RAP1GAP2: variants seen among roughly 807,000 people sequenced by gnomAD.
RAP1GAP2 encodes RAP1 GTPase activating protein 2.
RAP1GAP2 carries 27 observed loss-of-function variants against 95.0 expected under a neutral mutation model. That is an observed-to-expected ratio of 0.28 (90% CI 0.21 to 0.39). The LOEUF (loss-of-function observed/expected upper bound fraction) is 0.39, where lower values mean the gene tolerates loss of function less well. Among genes scored for constraint, RAP1GAP2 ranks in the 10% least tolerant of loss-of-function variants. The probability of loss-of-function intolerance (pLI) is 1.00; values close to 1 mark genes in which losing one functional copy is unlikely to be tolerated. For missense variants in RAP1GAP2, 771 were observed against 970.0 expected (o/e 0.79, Z 2.72); for synonymous variants, 373 against 380.9 (o/e 0.98, Z 0.24).
intron 3 of RAP1GAP2, among the ~76,000 whole-genome samples, chr17:2,927,183 T>A (rs532734982): frequency 2.1e-3 from 309 of 149,466 alleles, no homozygotes; most frequent in African/African-American, 7.0e-3. Flanking sequence ...AGACAGAATC[T>A]CGCTCTGTCA....
In RAP1GAP2 at chr17:2,824,672, G is replaced by A. The variant is rs138404428; in HGVS notation, c.80+24122G>A. Among the ~76,000 whole-genome samples, 608 of 150,370 alleles carry A rather than the reference G, an allele frequency of 4.0e-3. 6 individuals are homozygous for A. The highest frequency in any genetic ancestry group is 0.014 in the African/African-American group (577 of 40,832). ...GGAGAATTGCTTGAACCTGGGAGGC[G>A]GAGGTTGCAGTGAGCCGAGATTGCG... On this transcript the variant is annotated intron_variant, in intron 2 of 24. Transcript: ENST00000254695.
intron 2 of RAP1GAP2, among the ~76,000 whole-genome samples, chr17:2,890,865 T>C (rs2151695625): frequency 6.6e-6 from 1 of 152,020 alleles, no homozygotes; most frequent in South Asian, 2.1e-4. Flanking sequence ...TTTGTGTTTT[T>C]AGTAGAGACG....
In RAP1GAP2 at chr17:2,918,435, A is replaced by AC. The variant is rs1263771767; in HGVS notation, c.165+13067_165+13068insC. Among the ~76,000 whole-genome samples, 25 of 143,966 alleles carry AC rather than the reference A, an allele frequency of 1.7e-4. No homozygotes were observed. The East Asian group carries it at 3.1e-3, about 18-fold the overall frequency. The allele number at this position is 143,966 out of a possible 152,430, so 94.4% of individuals were successfully genotyped here. ...GCAATAGAATGAGACTCCATCTCAA[A>AC]AAAAAAAAAAAAAAAAAAGAAAGGT... On this transcript the variant is annotated intron_variant, in intron 3 of 24. Coordinates refer to ENST00000254695, the MANE Select transcript of RAP1GAP2 (RefSeq NM_015085.5).
intron 3 of RAP1GAP2, among the ~76,000 whole-genome samples, chr17:2,909,452 TGGG>T (rs2042300663): frequency 6.6e-6 from 1 of 151,448 alleles, no homozygotes; most frequent in Non-Finnish European, 1.5e-5. Context: ...ACTTGTGAGG[TGGG>T]GAGCCTGGAG....
intron 2 of RAP1GAP2, among the ~76,000 whole-genome samples, chr17:2,901,130 G>A (rs1468706912): frequency 6.6e-6 from 1 of 152,210 alleles, no homozygotes; most frequent in Non-Finnish European, 1.5e-5. Flanking sequence ...GCCAACGCTG[G>A]CTAGGACGCG....
chr17:3,007,665 A>G (rs576468523), intron 16 of RAP1GAP2, among the ~76,000 whole-genome samples: 1 of 152,168 alleles, frequency 6.6e-6, no homozygotes, highest in Admixed American at 6.5e-5. Flanking sequence ...ATCTGGATGG[A>G]GAGGAGCAGT....
rs564614195 is a variant in RAP1GAP2, at chr17:2,763,680, A to G, written c.51-6649A>G. ...CACTGCACTCCAGCCTGGGTGACAC[A>G]GAGAGACTCTGTCTCAAAACAAAAA... On this transcript the variant is annotated intron_variant, in intron 1 of 25. Coordinates refer to the RAP1GAP2 transcript ENST00000637138. Among the ~76,000 whole-genome samples the G allele has an allele frequency of 2.2e-3, 336 of 152,020 alleles. 1 individual carries two copies. Among genetic ancestry groups the G allele is most frequent in the African/African-American group, 7.9e-3 (326 of 41,488 alleles).
chr17:2,817,682 G>A lies in RAP1GAP2; in HGVS notation c.80+17132G>A, dbSNP rs1239128659. 2.5e-5 allele frequency among the ~76,000 whole-genome samples: 3 copies of A among 117,776 alleles called. 1 individual carries two copies. Among genetic ancestry groups the A allele is most frequent in the Non-Finnish European group, 4.1e-5 (2 of 49,286 alleles). 77.3% of individuals were successfully genotyped at this position (117,776 alleles called of 152,430 possible). A position where few individuals can be genotyped will look rare whatever the true frequency, so the allele number is the denominator to read the frequency against. ...ATCACAGGCGCCTGCCACCACACAC[G>A]GCTAAATTTTGTATTTTTAGTAGAG... On this transcript the variant is annotated intron_variant, in intron 2 of 24. Coordinates refer to ENST00000254695, the MANE Select transcript of RAP1GAP2 (RefSeq NM_015085.5).
In RAP1GAP2 at chr17:2,927,345, G is replaced by A. The variant is rs965012825; in HGVS notation, c.165+21977G>A. Among the ~76,000 whole-genome samples, 13 of 151,458 alleles carry A rather than the reference G, an allele frequency of 8.6e-5. No individual in the cohort carries two copies. The East Asian group carries it at 9.9e-4, about 11-fold the overall frequency. On this transcript the variant is annotated intron_variant, in intron 3 of 24. Coordinates refer to ENST00000254695, the MANE Select transcript of RAP1GAP2 (RefSeq NM_015085.5). The stretch of plus-strand genomic sequence containing the variant: ...ATTTTTTGTATTTTTAGTAGAGACG[G>A]GGTTTCACCGTGTTAGCCAGGATGG...
intron 18 of RAP1GAP2, among the ~76,000 whole-genome samples, chr17:3,020,012 G>C (rs1345042008): frequency 2.0e-5 from 3 of 152,192 alleles, no homozygotes; most frequent in African/African-American, 7.2e-5. Context: ...ACGCCTGCGC[G>C]GCTCCATTTG....
chr17:2,903,257 A>ATC lies in RAP1GAP2; in HGVS notation c.81-2026_81-2025dup. On this transcript the variant is annotated intron_variant, in intron 2 of 24. Coordinates refer to ENST00000254695, the MANE Select transcript of RAP1GAP2 (RefSeq NM_015085.5). This position sits in a 1 kb window ranked among gnomAD's most constrained non-coding sequence, Gnocchi z 4.1. ...TGCTTGATCATTCTTCCTTTCCCCC[A>ATC]TCATGGCTCTTAAAGGCCAGGCCCA... Among the ~76,000 whole-genome samples, 1 of 151,950 alleles carries ATC rather than the reference A, an allele frequency of 6.6e-6. No homozygotes were observed. The highest frequency in any genetic ancestry group is 1.9e-4 in the East Asian group (1 of 5,136).
At chr17:2,796,098 C>G (rs1050755647), upstream of RAP1GAP2, among the ~76,000 whole-genome samples, 1 of 152,170 alleles carries the variant, frequency 6.6e-6, no homozygotes. The surrounding 1 kb of genome is among the most constrained non-coding windows in gnomAD (Gnocchi z 4.7). Flanking sequence ...GTGAAGGTCC[C>G]CAGTGCTCAG....
In RAP1GAP2 at chr17:2,827,270, C is replaced by T. The variant is rs773201775; in HGVS notation, c.80+26720C>T. On this transcript the variant is annotated intron_variant, in intron 2 of 24. Coordinates refer to ENST00000254695, the MANE Select transcript of RAP1GAP2 (RefSeq NM_015085.5). This position sits in a 1 kb window ranked among gnomAD's most constrained non-coding sequence, Gnocchi z 4.1. ...AGTGGATACCCACTCGCACATCCAA[C>T]AGCTCTCATTCCCAAAGCGTGTTCT... 2.0e-5 allele frequency among the ~76,000 whole-genome samples: 3 copies of T among 152,166 alleles called. No individual in the cohort carries two copies. Among genetic ancestry groups the T allele is most frequent in the Non-Finnish European group, 4.4e-5 (3 of 68,028 alleles).
In RAP1GAP2 at chr17:2,904,530, C is replaced by CTGTGTGTATGTGTGTG. The variant is rs2042129010; in HGVS notation, c.81-747_81-746insATGTGTGTGTGTGTGT. Among the ~76,000 whole-genome samples the CTGTGTGTATGTGTGTG allele has an allele frequency of 7.7e-6, 1 of 129,082 alleles. No homozygotes were observed. The highest frequency in any genetic ancestry group is 1.7e-5 in the Non-Finnish European group (1 of 60,566). The allele number at this position is 129,082 out of a possible 152,430, so 84.7% of individuals were successfully genotyped here. ...CCGAGGACAGCTTTTTGACCAGGGC[C>CTGTGTGTATGTGTGTG]TGTGTGTGTGTGTGTGTGTGTGTGT... On this transcript the variant is annotated intron_variant, in intron 2 of 24. Transcript: ENST00000254695. This position sits in a 1 kb window ranked among gnomAD's most constrained non-coding sequence, Gnocchi z 4.7.
At chr17:2,859,201 C>T (rs144446587) in intron 2 of RAP1GAP2, among the ~76,000 whole-genome samples, 120 of 150,392 alleles carry the variant, frequency 8.0e-4, no homozygotes, top group African/African-American at 2.7e-3. Context: ...ACCTCTGCCT[C>T]CTGGTTTCAA....
chr17:2,916,699 G>T (rs1319073878), intron 3 of RAP1GAP2, among the ~76,000 whole-genome samples: 2 of 152,238 alleles, frequency 1.3e-5, no homozygotes, highest in African/African-American at 4.8e-5. Context: ...AGAATCGCTA[G>T]TGGAGCATCT....
intron 2 of RAP1GAP2, among the ~76,000 whole-genome samples, chr17:2,830,633 G>C (rs1295122355): frequency 6.6e-6 from 1 of 151,998 alleles, no homozygotes; most frequent in Non-Finnish European, 1.5e-5. Context: ...AGAATCGCTT[G>C]AACCTGGGAG....
intron 12 of RAP1GAP2, 41 bp downstream of exon 12, chr17:2,991,438 G>C (rs2045746561): frequency 6.8e-7 from 1 of 1,471,860 alleles, no homozygotes; most frequent in South Asian, 1.2e-5. Context: ...CCATCAACAA[G>C]GGCACTAGAG....
chr17:3,006,221 C>T (rs573433709), intron 16 of RAP1GAP2, among the ~76,000 whole-genome samples, 180 bp downstream of exon 16: 3 of 151,042 alleles, frequency 2.0e-5, no homozygotes, highest in South Asian at 2.1e-4. Context: ...CTCTGCCTCC[C>T]GGGCTCAAGT....
Sources: gnomAD v4.1 joint callset for allele counts (sites outside exome capture counted in the v4.1 genomes callset) on GRCh38, gnomAD v4.1.1 for gene constraint, Gnocchi (gnomAD v3.1) non-coding constraint, MANE v1.5 for transcripts, NCBI Gene and HGNC (gene_info 2026-07-23, HGNC 2026-07-21) for gene names.